Variants in TAS2R1 observed in about 807,000 individuals in gnomAD.
TAS2R1 encodes the protein taste 2 receptor member 1, also known as taste receptor type 2 member 1.
For missense variants in TAS2R1, 370 were observed against 353.4 expected (o/e 1.05, Z -0.38); for synonymous variants, 141 against 134.2 (o/e 1.05, Z -0.35).
the TAS2R1 span, among the ~76,000 whole-genome samples, chr5:9,807,038 C>CA: frequency 6.6e-6 from 1 of 151,682 alleles, no homozygotes; most frequent in Non-Finnish European, 1.5e-5. Flanking sequence ...ACAGAGAACT[C>CA]AAAAAATATC....
At chr5:9,668,544 C>T (rs1439853169) in intron 1 of TAS2R1, among the ~76,000 whole-genome samples, 1 of 152,148 alleles carries the variant, frequency 6.6e-6, no homozygotes, top group Admixed American at 6.5e-5. Flanking sequence ...GGAACTCCAT[C>T]AGGCTCACAG....
the TAS2R1 span, among the ~76,000 whole-genome samples, chr5:9,733,825 C>T: frequency 1.9e-3 from 291 of 151,156 alleles, 2 homozygotes; most frequent in African/African-American, 6.7e-3. Context: ...ATCACCACCT[C>T]CGAAAAGAAA....
At chr5:9,757,293 T>G in the TAS2R1 span, among the ~76,000 whole-genome samples, 1 of 152,194 alleles carries the variant, frequency 6.6e-6, no homozygotes, top group Non-Finnish European at 1.5e-5. Flanking sequence ...CTACTCTCCT[T>G]TTTCTTACAA....
chr5:9,841,152 AT>A, the TAS2R1 span, among the ~76,000 whole-genome samples: 3 of 151,826 alleles, frequency 2.0e-5, no homozygotes, highest in African/African-American at 7.3e-5. Flanking sequence ...CATGTGTCCT[AT>A]TTTTCTCTCT....
At chr5:9,788,310 C>T in the TAS2R1 span, among the ~76,000 whole-genome samples, 2 of 152,306 alleles carry the variant, frequency 1.3e-5, no homozygotes, top group East Asian at 3.9e-4. Context: ...CTTTGACTTT[C>T]CACCCGATAA....
the TAS2R1 span, among the ~76,000 whole-genome samples, chr5:9,847,215 T>C: frequency 2.0e-5 from 3 of 152,256 alleles, no homozygotes; most frequent in Non-Finnish European, 4.4e-5. Context: ...ATCATATTCA[T>C]ATCATATTCA....
the TAS2R1 span, among the ~76,000 whole-genome samples, chr5:9,784,129 T>A: frequency 6.6e-6 from 1 of 152,148 alleles, no homozygotes; most frequent in Non-Finnish European, 1.5e-5. Flanking sequence ...CATGTAAGGG[T>A]TTACTATGAA....
the TAS2R1 span, among the ~76,000 whole-genome samples, chr5:9,818,053 G>C: frequency 2.0e-5 from 3 of 152,094 alleles, no homozygotes. Context: ...ATTTGGATGA[G>C]GACACAGAAC....
the TAS2R1 span, among the ~76,000 whole-genome samples, chr5:9,789,093 T>C: frequency 6.6e-6 from 1 of 152,098 alleles, no homozygotes; most frequent in Non-Finnish European, 1.5e-5. Context: ...GTAGACACCA[T>C]TCCCATGCCT....
the TAS2R1 span, among the ~76,000 whole-genome samples, chr5:9,849,558 G>A: frequency 6.6e-6 from 1 of 152,242 alleles, no homozygotes; most frequent in Non-Finnish European, 1.5e-5. Context: ...CTCTGCAGGT[G>A]ACATTTCAGG....
At chr5:9,788,143 A>G in the TAS2R1 span, among the ~76,000 whole-genome samples, 2 of 152,326 alleles carry the variant, frequency 1.3e-5, no homozygotes, top group Admixed American at 6.5e-5. Context: ...ATGGAGAGAG[A>G]CCAGAGAGCT....
chr5:9,731,409 T>G, the TAS2R1 span, among the ~76,000 whole-genome samples: 9 of 152,196 alleles, frequency 5.9e-5, no homozygotes, highest in African/African-American at 2.2e-4. Context: ...GCCCTCGTGG[T>G]AGGGACTGAC....
intron 2 of TAS2R1, among the ~76,000 whole-genome samples, chr5:9,658,237 G>T (rs1324123327): frequency 6.6e-6 from 1 of 152,194 alleles, no homozygotes; most frequent in Non-Finnish European, 1.5e-5. Context: ...TCACAACTCT[G>T]TGAGGGAAGA....
the TAS2R1 span, among the ~76,000 whole-genome samples, chr5:9,878,491 G>A: frequency 1.3e-5 from 2 of 152,230 alleles, no homozygotes; most frequent in South Asian, 4.1e-4. Flanking sequence ...GCATTTGGAA[G>A]TGAACCACGA....
At chr5:9,632,885 GTT>G (rs908914084), upstream of TAS2R1, among the ~76,000 whole-genome samples, 88 of 147,744 alleles carry the variant, frequency 6.0e-4, no homozygotes, top group African/African-American at 2.0e-3. Flanking sequence ...TATTGTTGGT[GTT>G]TTTTTTTTAA....
At chr5:9,649,365 A>G (rs1165551614) in intron 2 of TAS2R1, among the ~76,000 whole-genome samples, 1 of 152,208 alleles carries the variant, frequency 6.6e-6, no homozygotes, top group African/African-American at 2.4e-5. Flanking sequence ...TTATATAGAC[A>G]AGAAAATATT....
the TAS2R1 span, among the ~76,000 whole-genome samples, chr5:9,900,644 G>A: frequency 3.4e-4 from 39 of 114,662 alleles, no homozygotes; most frequent in African/African-American, 1.2e-3. Context: ...TTTTTTAGAC[G>A]GAGTCTGGCT....
At chr5:9,781,334 C>T in the TAS2R1 span, among the ~76,000 whole-genome samples, 43 of 152,338 alleles carry the variant, frequency 2.8e-4, no homozygotes, top group Admixed American at 1.1e-3. Context: ...TCAAATCCTG[C>T]TGGCTCCGAC....
At chr5:9,822,406 G>A in the TAS2R1 span, among the ~76,000 whole-genome samples, 1 of 146,384 alleles carries the variant, frequency 6.8e-6, no homozygotes, top group Non-Finnish European at 1.5e-5. Context: ...CTGGAGTGCA[G>A]TGGCACAGTC....
Sources: gnomAD v4.1 joint callset for allele counts (sites outside exome capture counted in the v4.1 genomes callset) on GRCh38, gnomAD v4.1.1 for gene constraint, MANE v1.5 for transcripts, NCBI Gene and HGNC (gene_info 2026-07-23, HGNC 2026-07-21) for gene names.